Variants in FOCAD observed in about 807,000 individuals in gnomAD.
FOCAD encodes the protein KIAA1797.
Under a neutral mutation model 225.6 loss-of-function variants are expected in FOCAD, and 198 were observed. That is an observed-to-expected ratio of 0.88 (90% CI 0.78 to 0.99). FOCAD has a LOEUF of 0.99. FOCAD is among the 50% of genes least tolerant of loss of function. FOCAD has a pLI of 0.00. For synonymous variants in FOCAD, 897 were observed against 755.0 expected, an observed-to-expected ratio of 1.19 and a Z score of -3.08; for missense variants, 2,713 against 2,123.6, an observed-to-expected ratio of 1.28 and a Z score of -5.46.
chr9:20,759,908 A>G (rs1829417671), intron 6 of FOCAD, among the ~76,000 whole-genome samples: 1 of 152,236 alleles, frequency 6.6e-6, no homozygotes. Flanking sequence ...GCCATTTGAG[A>G]TAAAGTATTA....
chr9:20,948,681 G>A (rs887700462), intron 31 of FOCAD, among the ~76,000 whole-genome samples, 170 bp from the exon 32 acceptor site: 1 of 152,104 alleles, frequency 6.6e-6, no homozygotes, highest in Non-Finnish European at 1.5e-5. Flanking sequence ...ACCTTAATCT[G>A]TTACTTTATT....
intron 11 of FOCAD, among the ~76,000 whole-genome samples, chr9:20,791,522 T>C (rs1223215624): frequency 6.6e-6 from 1 of 152,204 alleles, no homozygotes; most frequent in African/African-American, 2.4e-5. Flanking sequence ...TTCTAGTTTT[T>C]ATTACCTCTA....
At chr9:20,690,433 A>G (rs1822904989) in intron 1 of FOCAD, among the ~76,000 whole-genome samples, 1 of 152,026 alleles carries the variant, frequency 6.6e-6, no homozygotes, top group African/African-American at 2.4e-5. Context: ...ATCCTGTCCA[A>G]TTTCTTTCCT....
intron 11 of FOCAD, among the ~76,000 whole-genome samples, chr9:20,819,272 G>C (rs1486880964): frequency 6.6e-6 from 1 of 152,032 alleles, no homozygotes; most frequent in South Asian, 2.1e-4. Flanking sequence ...GGAGTGCAAT[G>C]GTGCAATCAT....
chr9:20,742,641 G>C (rs566529727), intron 5 of FOCAD, among the ~76,000 whole-genome samples: 2 of 152,198 alleles, frequency 1.3e-5, no homozygotes, highest in African/African-American at 4.8e-5. Flanking sequence ...GTAAAAAGAA[G>C]TTTTCTATAA....
chr9:20,854,097 A>G (rs956647014), intron 15 of FOCAD, among the ~76,000 whole-genome samples: 3 of 151,752 alleles, frequency 2.0e-5, no homozygotes, highest in South Asian at 2.1e-4. Flanking sequence ...GGCAGTTTTC[A>G]TAGCCTAAAG....
At chr9:20,901,727 C>T (rs1006688343) in intron 21 of FOCAD, among the ~76,000 whole-genome samples, 2 of 151,832 alleles carry the variant, frequency 1.3e-5, no homozygotes, top group Non-Finnish European at 2.9e-5. Flanking sequence ...CAGAACATTT[C>T]CTGTTGTGAT....
chr9:20,967,333 A>T (rs1839354614), intron 35 of FOCAD, among the ~76,000 whole-genome samples: 2 of 152,170 alleles, frequency 1.3e-5, no homozygotes, highest in South Asian at 4.1e-4. Flanking sequence ...CTGCCAGAAT[A>T]TAAAAACACA....
At chr9:20,970,336 G>A (rs866418901) in intron 35 of FOCAD, among the ~76,000 whole-genome samples, 2 of 151,820 alleles carry the variant, frequency 1.3e-5, no homozygotes, top group African/African-American at 4.8e-5. Flanking sequence ...TTATGCCTAC[G>A]TTGGTATGCT....
intron 35 of FOCAD, among the ~76,000 whole-genome samples, chr9:20,973,509 C>T (rs58520505): frequency 0.011 from 1,678 of 151,178 alleles, 37 homozygotes; most frequent in African/African-American, 0.038. Context: ...TGACTCTGCC[C>T]TACTTCCCCC....
chr9:20,787,901 T>C (rs1451454950), intron 10 of FOCAD, among the ~76,000 whole-genome samples: 1 of 152,218 alleles, frequency 6.6e-6, no homozygotes, highest in Non-Finnish European at 1.5e-5. Flanking sequence ...ATCAATACAG[T>C]GAGAGCTTCC....
chr9:20,955,212 C>T (rs950569851), intron 35 of FOCAD, among the ~76,000 whole-genome samples: 1 of 152,168 alleles, frequency 6.6e-6, no homozygotes, highest in Non-Finnish European at 1.5e-5. Context: ...CTACTTTTAA[C>T]TTCAGCAACT....
At chr9:20,835,804 G>A (rs548443597) in intron 15 of FOCAD, among the ~76,000 whole-genome samples, 8 of 152,102 alleles carry the variant, frequency 5.3e-5, no homozygotes, top group Admixed American at 2.0e-4. Context: ...ATTAATAGGC[G>A]TTGCAAGATC....
At chr9:20,979,224 A>G (rs894064569) in intron 37 of FOCAD, among the ~76,000 whole-genome samples, 12 of 152,236 alleles carry the variant, frequency 7.9e-5, no homozygotes, top group African/African-American at 2.7e-4. Context: ...AATTGTCTCC[A>G]TAATCTGGAC....
intron 11 of FOCAD, among the ~76,000 whole-genome samples, chr9:20,793,021 TTGTACTC>T (rs779178249): frequency 2.0e-5 from 3 of 152,146 alleles, no homozygotes; most frequent in Non-Finnish European, 4.4e-5. Flanking sequence ...TTTGGACACT[TTGTACTC>T]TGTTCTGTTG....
intron 15 of FOCAD, among the ~76,000 whole-genome samples, chr9:20,838,843 C>G (rs968627977): frequency 6.6e-6 from 1 of 152,040 alleles, no homozygotes; most frequent in Non-Finnish European, 1.5e-5. Context: ...TATGTATAAG[C>G]CTGCCCATGG....
At chr9:20,796,412 C>T (rs1022882657) in intron 11 of FOCAD, among the ~76,000 whole-genome samples, 22 of 152,202 alleles carry the variant, frequency 1.4e-4, no homozygotes, top group African/African-American at 5.1e-4. Flanking sequence ...AATGGTTGAA[C>T]TAGTTTACAG....
At chr9:20,739,881 A>G (rs1827467922) in intron 4 of FOCAD, among the ~76,000 whole-genome samples, 2 of 152,034 alleles carry the variant, frequency 1.3e-5, no homozygotes, top group South Asian at 2.1e-4. Flanking sequence ...GTTATTTTTC[A>G]TAGTCTGCTA....
intron 1 of FOCAD, among the ~76,000 whole-genome samples, chr9:20,703,670 A>G (rs550752724): frequency 6.6e-6 from 1 of 152,068 alleles, no homozygotes; most frequent in Admixed American, 6.6e-5. Context: ...CTACTTCATT[A>G]CTGCTCACTT....
Sources: allele counts gnomAD v4.1 joint callset (sites outside exome capture counted in the v4.1 genomes callset), GRCh38; gene constraint gnomAD v4.1.1; transcripts MANE v1.5; gene names NCBI Gene and HGNC (gene_info 2026-07-23, HGNC 2026-07-21).